Variants in CCDC83 observed in about 807,000 individuals in gnomAD.
CCDC83 encodes coiled-coil domain-containing protein 83.
In CCDC83, 54 loss-of-function variants were observed where a neutral mutation model predicts 50.1. That is an observed-to-expected ratio of 1.08 (90% confidence interval 0.87 to 1.35). The LOEUF (loss-of-function observed/expected upper bound fraction) is 1.35, where lower values mean the gene tolerates loss of function less well. CCDC83 is among the 40% of genes most tolerant of loss of function. The probability of loss-of-function intolerance (pLI) is 0.00; values close to 1 mark genes in which losing one functional copy is unlikely to be tolerated. For synonymous variants in CCDC83, 161 were observed against 153.3 expected (o/e 1.05, Z -0.37); for missense variants, 518 against 473.9 (o/e 1.09, Z -0.86).
At chr11:85,899,050 G>T (rs752696178) in intron 7 of CCDC83, 35 bp downstream of exon 7, 1 of 1,498,976 alleles carries the variant, frequency 6.7e-7, no homozygotes, top group Non-Finnish European at 9.3e-7. Flanking sequence ...CAATTTCTTC[G>T]TTCTCATTTT....
intron 7 of CCDC83, among the ~76,000 whole-genome samples, chr11:85,904,554 G>T (rs914102016): frequency 1.3e-5 from 2 of 152,276 alleles, no homozygotes; most frequent in Non-Finnish European, 2.9e-5. Context: ...TCAGCTACAT[G>T]CAGTTCTTGT....
chr11:85,867,936 T>C (rs1311794074), intron 2 of CCDC83, among the ~76,000 whole-genome samples: 1 of 152,224 alleles, frequency 6.6e-6, no homozygotes, highest in African/African-American at 2.4e-5. Context: ...GTTTATGCAT[T>C]CCATGTGTTC....
At position 85,860,967 on chromosome 11, in the gene CCDC83, ACTGT is replaced by A. The variant is rs1286704220; in HGVS notation, c.-28-4126_-28-4123del. 3.3e-5 allele frequency among the ~76,000 whole-genome samples: 5 copies of A among 151,394 alleles called. No individual in the cohort carries two copies. The East Asian group carries it at 9.7e-4, about 29-fold the overall frequency. On this transcript the variant is annotated intron_variant, in intron 1 of 10. Coordinates refer to ENST00000342404, the MANE Select transcript of CCDC83 (RefSeq NM_001286159.2). ...GAACACAAAGATGGGAAAAATAGAC[ACTGT>A]CTATTACAAGCCATAAATTGTGGGG...
At chr11:85,889,498 T>C (rs966754057) in intron 5 of CCDC83, among the ~76,000 whole-genome samples, 2 of 152,246 alleles carry the variant, frequency 1.3e-5, no homozygotes, top group African/African-American at 4.8e-5. Context: ...ATGGTTGTTA[T>C]GGGCTTGTGT....
rs765102050 is a variant in CCDC83, at chr11:85,919,332, G to C, written c.1081-17G>C. On this transcript the variant is annotated splice_polypyrimidine_tract_variant and intron_variant, in intron 10 of 10. Coordinates refer to ENST00000342404, the MANE Select transcript of CCDC83 (RefSeq NM_001286159.2). The stretch of plus-strand genomic sequence containing the variant: ...TGAATCACCTCTCCTATTCTTTTTT[G>C]TGCCTGTTCACCATAGGATTATGTA... The C allele has an allele frequency of 1.3e-6, 2 of 1,567,588 alleles. No homozygotes were observed. Among genetic ancestry groups the C allele is most frequent in the South Asian group, 2.4e-5 (2 of 83,878 alleles).
At chr11:85,874,994 A>G (rs1227354506) in intron 3 of CCDC83, among the ~76,000 whole-genome samples, 1 of 152,214 alleles carries the variant, frequency 6.6e-6, no homozygotes, top group African/African-American at 2.4e-5. Flanking sequence ...AGAGGTAGGC[A>G]TGCAGACATG....
chr11:85,915,019 C>G (rs959138760), intron 8 of CCDC83, among the ~76,000 whole-genome samples: 1 of 152,200 alleles, frequency 6.6e-6, no homozygotes, highest in Non-Finnish European at 1.5e-5. Context: ...TCCCATAATT[C>G]AATTACTTCC....
chr11:85,901,063 TAAA>T (rs370561060), intron 7 of CCDC83, among the ~76,000 whole-genome samples: 7 of 136,018 alleles, frequency 5.1e-5, no homozygotes, highest in Admixed American at 7.5e-5. Context: ...AGACCCTGTC[TAAA>T]AAAAAAAAAA....
chr11:85,912,627 C>T, intron 8 of CCDC83: 1 of 1,479,728 alleles, frequency 6.8e-7, no homozygotes, highest in Non-Finnish European at 9.5e-7. Context: ...TCACTTTTGC[C>T]AGCCCTCCTC....
rs553678797 is a variant in CCDC83 at position 85,901,395 on chromosome 11, AAAC to A, written c.672+2381_672+2383del. On this transcript the variant is annotated intron_variant, in intron 7 of 10. Coordinates refer to ENST00000342404, the MANE Select transcript of CCDC83 (RefSeq NM_001286159.2). ...TGAGACCAGCCTGGGTAACATAGTG[AAAC>A]CCCATCTATACAAAAAATAGAAAAG... Among the ~76,000 whole-genome samples the A allele has an allele frequency of 1.1e-3, 164 of 152,144 alleles. 3 individuals carry two copies. Among genetic ancestry groups the A allele is most frequent in the African/African-American group, 3.9e-3 (161 of 41,526 alleles).
chr11:85,888,975 T>C (rs1452480042), intron 5 of CCDC83, among the ~76,000 whole-genome samples: 1 of 152,260 alleles, frequency 6.6e-6, no homozygotes, highest in African/African-American at 2.4e-5. Context: ...ATTTCAAATA[T>C]TTTAGCCAGT....
chr11:85,860,469 T>A (rs1403426179), intron 1 of CCDC83, among the ~76,000 whole-genome samples: 2 of 152,024 alleles, frequency 1.3e-5, no homozygotes, highest in Admixed American at 1.3e-4. Context: ...ATCACAATGG[T>A]AATTATTAAA....
intron 10 of CCDC83, among the ~76,000 whole-genome samples, chr11:85,917,209 G>GGAAA (rs150122733): frequency 0.24 from 22,286 of 92,924 alleles, 2,636 homozygotes; most frequent in Middle Eastern, 0.34. Context: ...AAAGAAAGAA[G>GGAAA]GAAAGAAAGA....
chr11:85,886,750 A>C (rs1047493623), intron 5 of CCDC83, among the ~76,000 whole-genome samples: 1 of 152,126 alleles, frequency 6.6e-6, no homozygotes, highest in African/African-American at 2.4e-5. Flanking sequence ...ATATCTCTAC[A>C]AAAAATTAAA....
At chr11:85,918,344 G>T (rs2093492202) in intron 10 of CCDC83, among the ~76,000 whole-genome samples, 1 of 152,182 alleles carries the variant, frequency 6.6e-6, no homozygotes, top group Non-Finnish European at 1.5e-5. Context: ...TCCCTGATCA[G>T]TCTGTGCTTA....
At chr11:85,886,453 C>A in intron 5 of CCDC83, 86 bp downstream of exon 5, 1 of 1,046,432 alleles carries the variant, frequency 9.6e-7, no homozygotes, top group Non-Finnish European at 1.3e-6. Context: ...TGCATACTCC[C>A]TGAATCATTC....
chr11:85,868,593 C>T (rs190840943), intron 2 of CCDC83, among the ~76,000 whole-genome samples: 26 of 152,356 alleles, frequency 1.7e-4, no homozygotes, highest in Non-Finnish European at 3.5e-4. Context: ...CCAGGCTGGT[C>T]TTGAACTCCT....
At chr11:85,876,321 A>C (rs76887283) in intron 3 of CCDC83, among the ~76,000 whole-genome samples, 273 of 152,032 alleles carry the variant, frequency 1.8e-3, no homozygotes, top group Non-Finnish European at 2.2e-3. Flanking sequence ...ATTGTACACC[A>C]AAAAAAATGA....
At chr11:85,879,912 T>C (rs80079882) in intron 3 of CCDC83, among the ~76,000 whole-genome samples, 32,209 of 152,162 alleles carry the variant, frequency 0.21, 3,788 homozygotes, top group Middle Eastern at 0.22. Flanking sequence ...CACCGCGCCC[T>C]GCCTTGTGTG....
Sources: gnomAD v4.1 joint callset for allele counts (sites outside exome capture counted in the v4.1 genomes callset) on GRCh38, gnomAD v4.1.1 for gene constraint, MANE v1.5 for transcripts, NCBI Gene and HGNC (gene_info 2026-07-23, HGNC 2026-07-21) for gene names.